Variants in CASTOR2 observed in about 807,000 individuals in gnomAD.
CASTOR2 encodes cytosolic arginine sensor for mTORC1 subunit 2.
In CASTOR2, 8 loss-of-function variants were observed where a neutral mutation model predicts 31.2. The observed-to-expected ratio is 0.26, with a 90% CI of 0.15 to 0.46. The LOEUF (loss-of-function observed/expected upper bound fraction) is 0.46, where lower values mean the gene tolerates loss of function less well. Among genes scored for constraint, CASTOR2 ranks in the 20% least tolerant of loss-of-function variants. The pLI, the probability that CASTOR2 is intolerant of heterozygous loss-of-function variation, is 0.99. For missense variants in CASTOR2, 216 were observed against 382.1 expected, an observed-to-expected ratio of 0.57 and a Z score of 3.62; for synonymous variants, 162 against 158.7, an observed-to-expected ratio of 1.02 and a Z score of -0.16.
chr7:74,992,614 A>G (rs2131932162), intron 1 of CASTOR2, among the ~76,000 whole-genome samples: 1 of 152,000 alleles, frequency 6.6e-6, no homozygotes, highest in Admixed American at 6.6e-5. Context: ...TATTTTTTGT[A>G]TTTTTAGTAG....
intron 7 of CASTOR2, 40 bp downstream of exon 7, chr7:75,021,996 G>A: frequency 6.5e-7 from 1 of 1,549,870 alleles, no homozygotes; most frequent in Admixed American, 2.0e-5. Flanking sequence ...TGAGGGAGCT[G>A]GCATTGCTGA....
In CASTOR2 at chr7:75,025,429, C is replaced by T. The variant is rs2131960326; in HGVS notation, c.*730C>T. ...GGAGGAGGGAGGGTCCCAGGAGACC[C>T]ACCAGCCTGGAGCACCAGCTCCTGT... On this transcript the variant is annotated 3_prime_UTR_variant, in exon 9 of 9. Transcript: ENST00000616305. Among the ~76,000 whole-genome samples the T allele has an allele frequency of 6.6e-6, 1 of 152,348 alleles. No homozygotes were observed. Among genetic ancestry groups the T allele is most frequent in the East Asian group, 1.9e-4 (1 of 5,176 alleles).
chr7:74,994,750 CAAA>C (rs587613971), intron 1 of CASTOR2, among the ~76,000 whole-genome samples: 2 of 132,998 alleles, frequency 1.5e-5, no homozygotes, highest in East Asian at 2.1e-4. Context: ...ACTCCATCTC[CAAA>C]AAAAAAAAAA....
chr7:75,026,660 A>G lies in CASTOR2; in HGVS notation c.*1961A>G, dbSNP rs1240325585. On this transcript the variant is annotated 3_prime_UTR_variant, in exon 9 of 9. Transcript: ENST00000616305. ...GGCCCACCACATTAATTAGAAACCAACTTTTTTTTTTTTAAGTTAATTTGT... is the reference window on the plus strand; with the variant it reads ...GGCCCACCACATTAATTAGAAACCAGCTTTTTTTTTTTTAAGTTAATTTGT... Among the ~76,000 whole-genome samples, 3 of 151,164 alleles carry G rather than the reference A, an allele frequency of 2.0e-5. No homozygotes were observed. The highest frequency in any genetic ancestry group is 7.3e-5 in the African/African-American group (3 of 41,142).
In CASTOR2 at chr7:75,027,663, A is replaced by T; in HGVS notation, c.*2964A>T. 3.3e-6 allele frequency: 1 copy of T among 304,714 alleles called. No homozygotes were observed. The highest frequency in any genetic ancestry group is 1.0e-4 in the East Asian group (1 of 9,952). 18.9% of individuals were successfully genotyped at this position (304,714 alleles called of 1,614,324 possible). On this transcript the variant is annotated 3_prime_UTR_variant, in exon 9 of 9. Transcript: ENST00000616305. ...GGCTCTCCGCCCTGGCTGGCTCTGCAGGGGTGGTCCCTGTTCAAGCCCGCT... is the reference window on the plus strand; with the variant it reads ...GGCTCTCCGCCCTGGCTGGCTCTGCTGGGGTGGTCCCTGTTCAAGCCCGCT...
chr7:75,024,866 C>G lies in CASTOR2; in HGVS notation c.*167C>G. 1 of 1,507,436 alleles carries G rather than the reference C, an allele frequency of 6.6e-7. No homozygotes were observed. Among genetic ancestry groups the G allele is most frequent in the South Asian group, 1.2e-5 (1 of 80,436 alleles). The allele number at this position is 1,507,436 out of a possible 1,614,324, so 93.4% of individuals were successfully genotyped here. A position where few individuals can be genotyped will look rare whatever the true frequency, so the allele number is the denominator to read the frequency against. Reference sequence around the variant, plus strand: ...CCAATCCCTCCAGGGCAGGGGCCCACGCCAAGGCCTCTCCATGCCCTCCTG... The same window carrying G: ...CCAATCCCTCCAGGGCAGGGGCCCAGGCCAAGGCCTCTCCATGCCCTCCTG... On this transcript the variant is annotated 3_prime_UTR_variant, in exon 9 of 9. Coordinates refer to ENST00000616305, the MANE Select transcript of CASTOR2 (RefSeq NM_001145064.3).
chr7:74,972,638 G>C (rs1803702041), intron 1 of CASTOR2, among the ~76,000 whole-genome samples: 1 of 150,072 alleles, frequency 6.7e-6, no homozygotes, highest in Admixed American at 6.7e-5. Context: ...AGGAAATCTT[G>C]CAAACGAGCC....
intron 1 of CASTOR2, among the ~76,000 whole-genome samples, chr7:74,990,737 C>G (rs2131930371): frequency 6.6e-6 from 1 of 152,262 alleles, no homozygotes; most frequent in Admixed American, 6.5e-5. Flanking sequence ...TGCTTGTAAT[C>G]CCAGCTACTC....
At chr7:75,010,471 A>G (rs1488449521) in intron 2 of CASTOR2, among the ~76,000 whole-genome samples, 1 of 151,982 alleles carries the variant, frequency 6.6e-6, no homozygotes, top group Non-Finnish European at 1.5e-5. Context: ...GAAGTAGGAA[A>G]TTCCTGGGGG....
At position 75,021,853 on chromosome 7, in the gene CASTOR2, CT is replaced by C; in HGVS notation, c.747-19del. On this transcript the variant is annotated intron_variant, in intron 6 of 8. Transcript: ENST00000616305. ...GCAATTCACATCAGCCTCGGGGATT[CT>C]TCTCTCGCTCCTTTTGAAGGTTTCC... 3.9e-6 allele frequency: 6 copies of C among 1,551,638 alleles called. No homozygotes were observed. Among genetic ancestry groups the C allele is most frequent in the Non-Finnish European group, 5.2e-6 (6 of 1,146,844 alleles).
At chr7:74,999,175 T>G (rs1220218379) in intron 1 of CASTOR2, among the ~76,000 whole-genome samples, 5 of 151,780 alleles carry the variant, frequency 3.3e-5, no homozygotes, top group African/African-American at 9.7e-5. Flanking sequence ...TTTTGTATTT[T>G]TATTTTTATT....
At chr7:74,985,198 G>A (rs1256248297) in intron 1 of CASTOR2, among the ~76,000 whole-genome samples, 3 of 152,082 alleles carry the variant, frequency 2.0e-5, no homozygotes, top group Admixed American at 6.6e-5. Flanking sequence ...GGCCAGTGAG[G>A]CTCTGAAATA....
intron 7 of CASTOR2, 42 bp from the exon 8 acceptor site, chr7:75,024,398 G>C: frequency 6.5e-7 from 1 of 1,548,042 alleles, no homozygotes; most frequent in Non-Finnish European, 8.7e-7. Flanking sequence ...GGCAAGGGTA[G>C]CCAGGTTACA....
In CASTOR2 at chr7:75,031,499, T is replaced by TA. The variant is rs1361421499; in HGVS notation, c.*6803dup. ...AAAAGACAGTATATTTTGTACTTTGTAAAGTGTTAATTAAAATGAAAAAAA... is the reference window on the plus strand; with the variant it reads ...AAAAGACAGTATATTTTGTACTTTGTAAAAGTGTTAATTAAAATGAAAAAAA... On this transcript the variant is annotated 3_prime_UTR_variant, in exon 9 of 9. Transcript: ENST00000616305. 6.7e-5 allele frequency among the ~76,000 whole-genome samples: 10 copies of TA among 149,940 alleles called. No homozygotes were observed. Among genetic ancestry groups the TA allele is most frequent in the East Asian group, 5.8e-4 (3 of 5,164 alleles).
chr7:74,975,968 C>T (rs1370127050), intron 1 of CASTOR2, among the ~76,000 whole-genome samples: 1 of 150,166 alleles, frequency 6.7e-6, no homozygotes, highest in African/African-American at 2.4e-5. Flanking sequence ...ACCGGCAGAG[C>T]GGGGCTTTGA....
intron 2 of CASTOR2, among the ~76,000 whole-genome samples, chr7:75,016,715 C>T (rs1200873993): frequency 2.6e-5 from 4 of 152,348 alleles, no homozygotes; most frequent in African/African-American, 4.8e-5. Flanking sequence ...TTACCCACTA[C>T]TGATGCCATC....
intron 1 of CASTOR2, among the ~76,000 whole-genome samples, chr7:74,989,388 C>G (rs1804151031): frequency 6.6e-6 from 1 of 151,654 alleles, no homozygotes. Context: ...TCCCAAATAG[C>G]TGGGACTACA....
At chr7:75,012,308 T>TTTGC (rs1174041515) in intron 2 of CASTOR2, among the ~76,000 whole-genome samples, 4 of 152,064 alleles carry the variant, frequency 2.6e-5, no homozygotes, top group Non-Finnish European at 5.9e-5. Flanking sequence ...TTAGTTTTTG[T>TTTGC]TTGCTTGCTT....
At chr7:75,017,447 CA>C (rs587661498) in intron 2 of CASTOR2, 150 bp from the exon 3 acceptor site, 63,643 of 599,268 alleles carry the variant, frequency 0.11, no homozygotes, top group South Asian at 0.15. Flanking sequence ...AAGACTGTCT[CA>C]AAAAAAAAAA....
Sources: allele counts gnomAD v4.1 joint callset (sites outside exome capture counted in the v4.1 genomes callset), GRCh38; gene constraint gnomAD v4.1.1; transcripts MANE v1.5; gene names NCBI Gene and HGNC (gene_info 2026-07-23, HGNC 2026-07-21).